Variants in CTNNA3 observed in about 807,000 individuals in gnomAD.
CTNNA3 encodes catenin alpha 3, also known as catenin alpha-3.
In CTNNA3, 76 loss-of-function variants were observed where a neutral mutation model predicts 95.7. The observed-to-expected ratio is 0.79, with a 90% CI of 0.66 to 0.96. CTNNA3 has a LOEUF of 0.96. CTNNA3 is among the 40% of genes least tolerant of loss of function. The probability of loss-of-function intolerance (pLI) is 0.00; values close to 1 mark genes in which losing one functional copy is unlikely to be tolerated. For missense variants in CTNNA3, 1,191 were observed against 1,089.8 expected (o/e 1.09, Z -1.31); for synonymous variants, 431 against 374.4 (o/e 1.15, Z -1.74).
intron 5 of CTNNA3, among the ~76,000 whole-genome samples, chr10:67,330,143 T>C (rs544346224): frequency 6.6e-6 from 1 of 152,340 alleles, no homozygotes; most frequent in African/African-American, 2.4e-5. Flanking sequence ...CTGGGAGGTA[T>C]AGCTGCTATT....
chr10:65,969,709 C>T (rs574283259), intron 16 of CTNNA3, among the ~76,000 whole-genome samples: 3 of 151,482 alleles, frequency 2.0e-5, no homozygotes, highest in South Asian at 2.1e-4. Flanking sequence ...TTGACCCAGT[C>T]GGAAAAAAAT....
At chr10:66,705,271 T>C (rs1214828719) in intron 9 of CTNNA3, among the ~76,000 whole-genome samples, 1 of 152,092 alleles carries the variant, frequency 6.6e-6, no homozygotes, top group Non-Finnish European at 1.5e-5. Context: ...GCCCACATCT[T>C]AAAAATAAAT....
intron 5 of CTNNA3, among the ~76,000 whole-genome samples, chr10:67,259,457 A>G (rs949940022): frequency 2.0e-5 from 3 of 152,212 alleles, no homozygotes; most frequent in Non-Finnish European, 2.9e-5. Flanking sequence ...GCTGAATACA[A>G]TCTTGGCTCA....
intron 7 of CTNNA3, among the ~76,000 whole-genome samples, chr10:66,862,465 G>A (rs1221450946): frequency 2.0e-5 from 3 of 152,100 alleles, no homozygotes; most frequent in Non-Finnish European, 4.4e-5. Flanking sequence ...TAGGGCAGGG[G>A]ATACTACTCT....
intron 12 of CTNNA3, among the ~76,000 whole-genome samples, chr10:66,298,586 T>A (rs985875198): frequency 6.6e-6 from 1 of 152,188 alleles, no homozygotes; most frequent in African/African-American, 2.4e-5. Flanking sequence ...CCCTGAATTT[T>A]CTCTCAGGAA....
At chr10:66,908,984 T>C (rs1242161181) in intron 7 of CTNNA3, among the ~76,000 whole-genome samples, 1 of 152,244 alleles carries the variant, frequency 6.6e-6, no homozygotes, top group Admixed American at 6.5e-5. Context: ...ATGAGGCTTC[T>C]TCAAGCTGGA....
At chr10:66,751,808 A>T (rs1217725029) in intron 9 of CTNNA3, among the ~76,000 whole-genome samples, 3 of 152,210 alleles carry the variant, frequency 2.0e-5, no homozygotes, top group Non-Finnish European at 4.4e-5. Context: ...CTACACACAA[A>T]AAAGAAAAAC....
intron 13 of CTNNA3, among the ~76,000 whole-genome samples, chr10:66,242,508 A>T (rs1314863928): frequency 1.3e-5 from 2 of 152,216 alleles, no homozygotes; most frequent in Non-Finnish European, 2.9e-5. Context: ...AAAATTATTG[A>T]TAAAAAAATA....
chr10:67,700,301 G>A (rs1024532916), upstream of CTNNA3, among the ~76,000 whole-genome samples: 2 of 152,208 alleles, frequency 1.3e-5, no homozygotes, highest in Non-Finnish European at 2.9e-5. Flanking sequence ...CTGCAGATCT[G>A]AGAATGGGCA....
At chr10:66,028,922 A>G (rs2079397905) in intron 15 of CTNNA3, among the ~76,000 whole-genome samples, 1 of 152,144 alleles carries the variant, frequency 6.6e-6, no homozygotes, top group Non-Finnish European at 1.5e-5. Context: ...ACAAACAGTG[A>G]AAGAACAACA....
At chr10:66,764,484 T>C (rs79235767) in intron 9 of CTNNA3, among the ~76,000 whole-genome samples, 13,724 of 152,276 alleles carry the variant, frequency 0.09, 814 homozygotes, top group Non-Finnish European at 0.13. Context: ...AGAGGAGCTA[T>C]AGATAGTACT....
intron 7 of CTNNA3, among the ~76,000 whole-genome samples, chr10:66,888,892 T>A (rs953590543): frequency 1.3e-5 from 2 of 152,184 alleles, no homozygotes; most frequent in African/African-American, 4.8e-5. Context: ...AGTTGAAAAC[T>A]TATGTCTACA....
chr10:66,019,005 T>C (rs926635511), intron 15 of CTNNA3, among the ~76,000 whole-genome samples: 2 of 152,118 alleles, frequency 1.3e-5, no homozygotes, highest in Non-Finnish European at 2.9e-5. Flanking sequence ...ATCAACCATA[T>C]GGCATTAATA....
At chr10:67,567,293 AT>A (rs1294413787) in intron 3 of CTNNA3, among the ~76,000 whole-genome samples, 2 of 151,920 alleles carry the variant, frequency 1.3e-5, no homozygotes, top group Non-Finnish European at 2.9e-5. Context: ...TTTGCAGCAA[AT>A]TGGATAGAAC....
chr10:67,168,790 G>A (rs533971821), intron 7 of CTNNA3, among the ~76,000 whole-genome samples: 10 of 152,110 alleles, frequency 6.6e-5, no homozygotes, highest in East Asian at 5.8e-4. Flanking sequence ...AAGCAATCAC[G>A]CAAGAGAAAG....
intron 7 of CTNNA3, among the ~76,000 whole-genome samples, chr10:67,054,249 A>T (rs1589668918): frequency 6.6e-6 from 1 of 152,210 alleles, no homozygotes; most frequent in Non-Finnish European, 1.5e-5. Flanking sequence ...AAATTTGTCA[A>T]CAATGTGGAG....
intron 5 of CTNNA3, among the ~76,000 whole-genome samples, chr10:67,518,863 G>A (rs1589382970): frequency 6.6e-6 from 1 of 152,208 alleles, no homozygotes; most frequent in South Asian, 2.1e-4. Flanking sequence ...AGTCCAAGCA[G>A]ATAAACTCCA....
At chr10:66,045,408 G>A (rs2079808635) in intron 15 of CTNNA3, among the ~76,000 whole-genome samples, 2 of 152,080 alleles carry the variant, frequency 1.3e-5, no homozygotes, top group South Asian at 4.1e-4. Flanking sequence ...TACATCCTCT[G>A]CCCCTTAATT....
At chr10:67,755,387 G>A (rs996031704) in intron 1 of CTNNA3, among the ~76,000 whole-genome samples, 2 of 152,070 alleles carry the variant, frequency 1.3e-5, no homozygotes, top group African/African-American at 2.4e-5. Flanking sequence ...GCCATTATAC[G>A]CGATTGGCAA....
Sources: allele counts gnomAD v4.1 joint callset (sites outside exome capture counted in the v4.1 genomes callset), GRCh38; gene constraint gnomAD v4.1.1; transcripts MANE v1.5; gene names NCBI Gene and HGNC (gene_info 2026-07-23, HGNC 2026-07-21).